Variants in KCNAB1 observed in about 807,000 individuals in gnomAD.
KCNAB1 encodes potassium voltage-gated channel subfamily A regulatory beta subunit 1.
A neutral mutation model predicts 64.6 loss-of-function variants in KCNAB1; 35 were observed. That is an observed-to-expected ratio of 0.54 (90% confidence interval 0.41 to 0.72). The LOEUF (loss-of-function observed/expected upper bound fraction) is 0.72. KCNAB1 is among the 30% of genes least tolerant of loss of function. The pLI is 0.00. For missense variants in KCNAB1, 401 were observed against 512.9 expected, an observed-to-expected ratio of 0.78 and a Z score of 2.11; for synonymous variants, 177 against 183.8, an observed-to-expected ratio of 0.96 and a Z score of 0.30.
At chr3:156,430,526 T>A (rs1001780107) in intron 2 of KCNAB1, among the ~76,000 whole-genome samples, 1 of 152,082 alleles carries the variant, frequency 6.6e-6, no homozygotes, top group Non-Finnish European at 1.5e-5. Flanking sequence ...ATAAAGACGA[T>A]CTCACTAAAC....
intron 1 of KCNAB1, among the ~76,000 whole-genome samples, chr3:156,264,960 C>G (rs1181778863): frequency 6.6e-6 from 1 of 152,138 alleles, no homozygotes; most frequent in African/African-American, 2.4e-5. Flanking sequence ...AGATTCCAGG[C>G]TTTCTTTTTA....
chr3:156,235,316 C>T (rs1716782394), intron 1 of KCNAB1, among the ~76,000 whole-genome samples: 1 of 152,246 alleles, frequency 6.6e-6, no homozygotes, highest in South Asian at 2.1e-4. Flanking sequence ...GTTCTTCCTT[C>T]ATGTCACCTA....
At chr3:156,293,857 C>T (rs1470630558) in intron 1 of KCNAB1, among the ~76,000 whole-genome samples, 4 of 152,232 alleles carry the variant, frequency 2.6e-5, no homozygotes, top group Non-Finnish European at 4.4e-5. Flanking sequence ...GCTCTGCATG[C>T]ACTTCAGCTA....
At chr3:156,179,139 T>G (rs1451586753) in intron 1 of KCNAB1, among the ~76,000 whole-genome samples, 1 of 152,080 alleles carries the variant, frequency 6.6e-6, no homozygotes, top group Non-Finnish European at 1.5e-5. Context: ...CTGAAGTCAT[T>G]GAAATAGATA....
intron 8 of KCNAB1, 106 bp from the exon 9 acceptor site, chr3:156,514,254 TCAAA>T (rs1717410294): frequency 2.6e-6 from 2 of 756,054 alleles, no homozygotes; most frequent in Non-Finnish European, 4.6e-6. Flanking sequence ...ATTTTATTAA[TCAAA>T]CAAACAATTG....
intron 1 of KCNAB1, among the ~76,000 whole-genome samples, chr3:156,172,411 C>T (rs1232325296): frequency 2.0e-5 from 3 of 151,904 alleles, no homozygotes; most frequent in Admixed American, 6.6e-5. Flanking sequence ...TCCTGAGTAG[C>T]GGGGACTACA....
At chr3:156,168,281 A>G (rs1405915182) in intron 1 of KCNAB1, among the ~76,000 whole-genome samples, 13 of 152,096 alleles carry the variant, frequency 8.5e-5, no homozygotes. Context: ...GCATATAAGT[A>G]TCTATCAAAC....
At chr3:156,246,618 TA>T (rs1417187905) in intron 1 of KCNAB1, among the ~76,000 whole-genome samples, 1 of 122,726 alleles carries the variant, frequency 8.1e-6, no homozygotes, top group African/African-American at 3.0e-5. Context: ...AAAAAAAAGT[TA>T]ATAAAAAAAA....
chr3:156,377,867 G>A (rs1333039438), intron 1 of KCNAB1, among the ~76,000 whole-genome samples: 1 of 152,072 alleles, frequency 6.6e-6, no homozygotes, highest in Non-Finnish European at 1.5e-5. Context: ...TTCTCGGTGT[G>A]CTTCCCTATT....
At chr3:156,177,447 G>A (rs1187342158) in intron 1 of KCNAB1, among the ~76,000 whole-genome samples, 21 of 152,230 alleles carry the variant, frequency 1.4e-4, no homozygotes, top group Non-Finnish European at 4.4e-5. Flanking sequence ...CGCAATCTCG[G>A]CTCACAGCAA....
chr3:156,156,784 G>T (rs1447496009), intron 1 of KCNAB1, among the ~76,000 whole-genome samples: 1 of 152,098 alleles, frequency 6.6e-6, no homozygotes, highest in African/African-American at 2.4e-5. Flanking sequence ...AAAGTTTGAA[G>T]TTCATGGGAG....
At chr3:156,472,434 C>G (rs959824082) in intron 7 of KCNAB1, among the ~76,000 whole-genome samples, 2 of 152,150 alleles carry the variant, frequency 1.3e-5, no homozygotes, top group Non-Finnish European at 2.9e-5. Flanking sequence ...TCGACCCTCC[C>G]CAACCAATGT....
intron 1 of KCNAB1, among the ~76,000 whole-genome samples, chr3:156,199,312 G>A (rs959863293): frequency 3.3e-5 from 5 of 151,994 alleles, no homozygotes; most frequent in African/African-American, 4.8e-5. Flanking sequence ...TGCTTTTCTC[G>A]AGGAGTGTCT....
intron 1 of KCNAB1, among the ~76,000 whole-genome samples, chr3:156,177,524 C>T (rs916410269): frequency 2.6e-5 from 4 of 152,034 alleles, no homozygotes; most frequent in Admixed American, 2.6e-4. Context: ...CTACAAGCGC[C>T]CGCCACCCCG....
At chr3:156,264,715 CAT>C (rs1290101193) in intron 1 of KCNAB1, among the ~76,000 whole-genome samples, 2 of 152,034 alleles carry the variant, frequency 1.3e-5, no homozygotes, top group Non-Finnish European at 2.9e-5. Context: ...CATACATACA[CAT>C]GTATATAATA....
intron 1 of KCNAB1, among the ~76,000 whole-genome samples, chr3:156,347,779 C>A (rs1724579884): frequency 6.6e-6 from 1 of 152,306 alleles, no homozygotes; most frequent in Non-Finnish European, 1.5e-5. Flanking sequence ...TTCTTAAAAT[C>A]CACTCATCTT....
chr3:156,390,740 G>A (rs1049925135), intron 1 of KCNAB1, among the ~76,000 whole-genome samples: 4 of 150,538 alleles, frequency 2.7e-5, no homozygotes, highest in African/African-American at 1.0e-4. Flanking sequence ...CTGCTACCAT[G>A]CCCGGCTAAT....
chr3:156,120,837 G>T lies in KCNAB1; in HGVS notation c.226G>T (p.Asp76Tyr). The change falls in exon 1 of 14, where the codon GAC becomes TAC. Residue 76 changes from aspartate (D) to tyrosine (Y), a missense_variant. Physicochemically the swap from Asp to Tyr is radical, Grantham distance 160. Coordinates refer to ENST00000490337, the MANE Select transcript of KCNAB1 (RefSeq NM_172160.3). ...GATGAACTGGTACCTAAAGCTCTGC[G>T]ACCTGTCCAGCGAGCACACCACCGT... Reference protein sequence around the residue: ...VEMNWYLKLCDLSSEHTTVCT... With the variant: ...VEMNWYLKLCYLSSEHTTVCT... The T allele has an allele frequency of 6.2e-7, 1 of 1,614,066 alleles. No individual in the cohort carries two copies. Among genetic ancestry groups the T allele is most frequent in the East Asian group, 2.2e-5 (1 of 44,890 alleles).
intron 1 of KCNAB1, chr3:156,290,928 C>G: frequency 1.0e-6 from 1 of 970,930 alleles, no homozygotes; most frequent in Non-Finnish European, 1.2e-6. Flanking sequence ...TCTGACAAGG[C>G]TAATAACAGG....
Sources: gnomAD v4.1 joint callset for allele counts (sites outside exome capture counted in the v4.1 genomes callset) on GRCh38, gnomAD v4.1.1 for gene constraint, MANE v1.5 for transcripts, NCBI Gene and HGNC (gene_info 2026-07-23, HGNC 2026-07-21) for gene names.